Variants in CNTNAP4 observed in about 807,000 individuals in gnomAD.
CNTNAP4 encodes contactin associated protein family member 4.
CNTNAP4 carries 98 observed loss-of-function variants against 148.4 expected under a neutral mutation model. The ratio of observed to expected loss-of-function variants is 0.66; its 90% CI spans 0.56 to 0.78. The LOEUF (loss-of-function observed/expected upper bound fraction) is 0.78. CNTNAP4 is among the 30% of genes least tolerant of loss of function. CNTNAP4 has a pLI of 0.00. For synonymous variants in CNTNAP4, 730 were observed against 565.1 expected, an observed-to-expected ratio of 1.29 and a Z score of -4.14; for missense variants, 1,935 against 1,565.6, an observed-to-expected ratio of 1.24 and a Z score of -3.98.
chr16:76,458,257 C>T (rs1172016928), intron 8 of CNTNAP4, among the ~76,000 whole-genome samples: 1 of 151,996 alleles, frequency 6.6e-6, no homozygotes, highest in Admixed American at 6.6e-5. Context: ...ACAATAAATA[C>T]GTGAATGCAG....
intron 4 of CNTNAP4, among the ~76,000 whole-genome samples, chr16:76,435,796 G>T (rs935176585): frequency 6.6e-6 from 1 of 152,196 alleles, no homozygotes; most frequent in East Asian, 1.9e-4. Flanking sequence ...AAGCAAATAA[G>T]CTGTTAGAAC....
chr16:76,518,257 A>T (rs914308781), intron 15 of CNTNAP4, among the ~76,000 whole-genome samples: 4 of 151,970 alleles, frequency 2.6e-5, no homozygotes, highest in African/African-American at 7.2e-5. Flanking sequence ...CCTCCTAAGT[A>T]GTGGGGGTTA....
intron 3 of CNTNAP4, among the ~76,000 whole-genome samples, chr16:76,361,607 G>A (rs898832963): frequency 6.6e-6 from 1 of 152,136 alleles, no homozygotes; most frequent in Non-Finnish European, 1.5e-5. Context: ...TGTAAATAAT[G>A]ATGCAATGAG....
chr16:76,339,384 T>A (rs1964281261), intron 2 of CNTNAP4, among the ~76,000 whole-genome samples: 1 of 152,146 alleles, frequency 6.6e-6, no homozygotes, highest in African/African-American at 2.4e-5. Context: ...TTGAAAAATA[T>A]AAACTTTAAA....
rs377042649 is a variant in CNTNAP4, at chr16:76,528,308, T to C, written c.2755+6051T>C. Among the ~76,000 whole-genome samples the C allele has an allele frequency of 1.1e-4, 17 of 152,154 alleles. No individual in the cohort carries two copies. The East Asian group carries it at 1.2e-3, about 10-fold the overall frequency. On this transcript the variant is annotated intron_variant, in intron 17 of 23. Coordinates refer to ENST00000611870, the MANE Select transcript of CNTNAP4 (RefSeq NM_033401.5). ...GGATCTCTCTCTCTGTCACCCAGAC[T>C]GGAGTACAGTGGTGTGGTGCAATCT...
chr16:76,448,307 G>C (rs2080326245), intron 5 of CNTNAP4, 92 bp downstream of exon 5: 1 of 840,514 alleles, frequency 1.2e-6, no homozygotes, highest in South Asian at 1.8e-5. Flanking sequence ...TTAGCAGTCA[G>C]AGTGCCTTAT....
chr16:76,528,675 G>A (rs963348808), intron 17 of CNTNAP4, among the ~76,000 whole-genome samples: 4 of 152,156 alleles, frequency 2.6e-5, no homozygotes, highest in African/African-American at 7.2e-5. Context: ...GCTAAAAGCC[G>A]GTCATAAAGT....
chr16:76,327,365 G>T (rs1963094485), intron 2 of CNTNAP4, among the ~76,000 whole-genome samples: 1 of 152,170 alleles, frequency 6.6e-6, no homozygotes, highest in African/African-American at 2.4e-5. Flanking sequence ...TATCCATGTT[G>T]CTGCAAAGGA....
chr16:76,502,280 T>C (rs548444994), intron 15 of CNTNAP4, among the ~76,000 whole-genome samples: 1 of 152,220 alleles, frequency 6.6e-6, no homozygotes, highest in East Asian at 1.9e-4. Context: ...CTTTATTTTC[T>C]CAGTTGGATG....
At chr16:76,373,056 C>T (rs17699285) in intron 3 of CNTNAP4, among the ~76,000 whole-genome samples, 27,274 of 151,596 alleles carry the variant, frequency 0.18, 3,014 homozygotes, top group East Asian at 0.47. Flanking sequence ...ACAGGGGTCA[C>T]TGTACAAACT....
intron 3 of CNTNAP4, among the ~76,000 whole-genome samples, chr16:76,365,909 G>C (rs74444976): frequency 0.14 from 21,390 of 151,714 alleles, 2,130 homozygotes; most frequent in East Asian, 0.47. Flanking sequence ...AAATACAAAC[G>C]CCATTTGTAA....
intron 3 of CNTNAP4, among the ~76,000 whole-genome samples, chr16:76,365,868 G>A (rs892176390): frequency 2.0e-5 from 3 of 151,080 alleles, no homozygotes; most frequent in Non-Finnish European, 4.4e-5. Flanking sequence ...TCTCTTCCTA[G>A]ATATAAATAA....
chr16:76,292,986 A>G (rs1167669295), intron 1 of CNTNAP4, among the ~76,000 whole-genome samples: 2 of 152,164 alleles, frequency 1.3e-5, no homozygotes, highest in Admixed American at 1.3e-4. Flanking sequence ...AATTCCAGCC[A>G]CTTTCAAAAA....
intron 3 of CNTNAP4, among the ~76,000 whole-genome samples, chr16:76,387,113 TG>T (rs2016578920): frequency 6.6e-6 from 1 of 152,186 alleles, no homozygotes; most frequent in Non-Finnish European, 1.5e-5. Context: ...GTCAGATTTT[TG>T]GACCACAGAA....
chr16:76,514,198 G>T (rs776952915), intron 15 of CNTNAP4, among the ~76,000 whole-genome samples: 1 of 152,140 alleles, frequency 6.6e-6, no homozygotes, highest in African/African-American at 2.4e-5. Context: ...TTGTCACTCT[G>T]ACCTTCGTAG....
At chr16:76,293,571 G>C (rs879510914) in intron 1 of CNTNAP4, among the ~76,000 whole-genome samples, 6 of 152,164 alleles carry the variant, frequency 3.9e-5, no homozygotes, top group Non-Finnish European at 8.8e-5. Flanking sequence ...TAATTAATTT[G>C]TTCTGAAATG....
chr16:76,427,823 G>C (rs1384823219), intron 4 of CNTNAP4, among the ~76,000 whole-genome samples: 1 of 152,120 alleles, frequency 6.6e-6, no homozygotes, highest in Non-Finnish European at 1.5e-5. Flanking sequence ...TAGATGGATA[G>C]ATACATATTT....
chr16:76,309,754 G>C (rs964206667), intron 1 of CNTNAP4: 14 of 672,692 alleles, frequency 2.1e-5, no homozygotes, highest in Non-Finnish European at 3.5e-5. Context: ...GGTTTGGGCG[G>C]AGGGGGTGGT....
intron 10 of CNTNAP4, among the ~76,000 whole-genome samples, chr16:76,470,029 C>G (rs2143533762): frequency 6.6e-6 from 1 of 152,214 alleles, no homozygotes; most frequent in Non-Finnish European, 1.5e-5. Context: ...AGGCCTTATG[C>G]TAAGCACTTA....
Sources: allele counts gnomAD v4.1 joint callset (sites outside exome capture counted in the v4.1 genomes callset), GRCh38; gene constraint gnomAD v4.1.1; transcripts MANE v1.5; gene names NCBI Gene and HGNC (gene_info 2026-07-23, HGNC 2026-07-21).